Variants in PRR33 observed in about 807,000 individuals in gnomAD.
PRR33 encodes proline-rich protein 33.
A neutral mutation model predicts 0.5 loss-of-function variants in PRR33; 1 was observed. The ratio of observed to expected loss-of-function variants is 2.18; its 90% CI spans 0.77 to 10.34. The LOEUF (loss-of-function observed/expected upper bound fraction) is 10.34, where lower values mean the gene tolerates loss of function less well. Ranked by LOEUF, PRR33 falls within the 30% of genes most tolerant of loss-of-function variation. The probability of loss-of-function intolerance (pLI) is 0.13; values close to 1 mark genes in which losing one functional copy is unlikely to be tolerated. For synonymous variants in PRR33, 226 were observed against 110.0 expected, an observed-to-expected ratio of 2.06 and a Z score of -6.60; for missense variants, 552 against 251.8, an observed-to-expected ratio of 2.19 and a Z score of -8.07.
chr11:1,894,475 A>AC (rs376267953), upstream of PRR33, among the ~76,000 whole-genome samples: 38 of 150,994 alleles, frequency 2.5e-4, no homozygotes, highest in Middle Eastern at 3.4e-3. Flanking sequence ...GGCTCAAGCG[A>AC]CCCCCCCTGC....
the PRR33 span, among the ~76,000 whole-genome samples, chr11:1,914,413 G>T: frequency 1.3e-5 from 2 of 150,596 alleles, no homozygotes. Context: ...ACACACCTGG[G>T]ATGATGTTTC....
At chr11:1,894,633 A>G (rs921665706), upstream of PRR33, among the ~76,000 whole-genome samples, 1 of 151,924 alleles carries the variant, frequency 6.6e-6, no homozygotes, top group African/African-American at 2.4e-5. Flanking sequence ...TCTGAGATCC[A>G]TGCTTGCTGC....
At chr11:1,894,224 A>AGAGTGTGT (rs141842016), upstream of PRR33, among the ~76,000 whole-genome samples, 48 of 127,734 alleles carry the variant, frequency 3.8e-4, no homozygotes, top group African/African-American at 1.4e-3. Context: ...GGAGTGTGGG[A>AGAGTGTGT]GTGTGTGTGT....
the PRR33 span, among the ~76,000 whole-genome samples, chr11:1,914,909 G>A: frequency 8.7e-6 from 1 of 115,224 alleles, no homozygotes; most frequent in Non-Finnish European, 1.8e-5. Flanking sequence ...GGATGATGTT[G>A]CTCTGTGTGT....
At chr11:1,896,269 T>C (rs1466728576), upstream of PRR33, among the ~76,000 whole-genome samples, 1 of 152,238 alleles carries the variant, frequency 6.6e-6, no homozygotes, top group Non-Finnish European at 1.5e-5. Context: ...AGTATTGAAC[T>C]TACTAATCCA....
chr11:1,900,701 G>A, the PRR33 span, among the ~76,000 whole-genome samples: 4 of 152,230 alleles, frequency 2.6e-5, no homozygotes, highest in African/African-American at 4.8e-5. Flanking sequence ...AATTAAGAGT[G>A]ACAGCATATA....
exon 1 of PRR33, chr11:1,889,312 G>T: frequency 1.4e-6 from 1 of 706,364 alleles, no homozygotes. Context: ...GCTGGGGTGT[G>T]CTCCCCACCG....
the PRR33 span, among the ~76,000 whole-genome samples, chr11:1,909,061 C>G: frequency 6.6e-6 from 1 of 152,322 alleles, no homozygotes; most frequent in African/African-American, 2.4e-5. Flanking sequence ...TAGGAAGAGC[C>G]CCCATCTACC....
the PRR33 span, among the ~76,000 whole-genome samples, chr11:1,913,070 T>C: frequency 1.3e-5 from 2 of 152,156 alleles, no homozygotes; most frequent in Non-Finnish European, 2.9e-5. Context: ...ATTAATACTT[T>C]CCCCTCTCTA....
At chr11:1,903,610 C>A in the PRR33 span, among the ~76,000 whole-genome samples, 1 of 152,094 alleles carries the variant, frequency 6.6e-6, no homozygotes, top group Non-Finnish European at 1.5e-5. Flanking sequence ...AACATCCCAC[C>A]GTAATTTTCA....
upstream of PRR33, among the ~76,000 whole-genome samples, chr11:1,895,029 T>G (rs1444653891): frequency 6.6e-6 from 1 of 152,246 alleles, no homozygotes; most frequent in Non-Finnish European, 1.5e-5. Context: ...ACGTGCTACT[T>G]CACCACTGAT....
the PRR33 span, among the ~76,000 whole-genome samples, chr11:1,917,290 G>A: frequency 3.9e-5 from 6 of 152,274 alleles, no homozygotes; most frequent in Middle Eastern, 3.4e-3. Context: ...TGGGTGCTGG[G>A]ACCTAGATTG....
exon 1 of PRR33, chr11:1,890,117 C>A (rs760868187): frequency 2.8e-6 from 2 of 716,994 alleles, no homozygotes; most frequent in East Asian, 5.4e-5. Context: ...GTTCTGGGGC[C>A]GAGGCTACAA....
the PRR33 span, among the ~76,000 whole-genome samples, chr11:1,909,455 A>T: frequency 6.6e-6 from 1 of 152,156 alleles, no homozygotes; most frequent in Non-Finnish European, 1.5e-5. Flanking sequence ...TACTAAAAAT[A>T]CAAAAATTAG....
At chr11:1,900,237 A>G in the PRR33 span, among the ~76,000 whole-genome samples, 1 of 152,172 alleles carries the variant, frequency 6.6e-6, no homozygotes, top group Non-Finnish European at 1.5e-5. Context: ...GTTCAGGTGC[A>G]TAGCACTGTT....
At chr11:1,889,553 G>A (rs1848901080) in exon 1 of PRR33, 1 of 613,186 alleles carries the variant, frequency 1.6e-6, no homozygotes, top group Non-Finnish European at 3.0e-6. Flanking sequence ...GCTGCTTCTT[G>A]AGCCACGTCC....
exon 1 of PRR33, chr11:1,888,793 G>A (rs1848861011): frequency 4.3e-6 from 1 of 234,070 alleles, no homozygotes; most frequent in Non-Finnish European, 8.2e-6. Flanking sequence ...AGAGGCCCAG[G>A]CCCCTGAGGA....
At chr11:1,889,149 T>C (rs1848876677) in exon 1 of PRR33, 2 of 657,864 alleles carry the variant, frequency 3.0e-6, no homozygotes, top group South Asian at 3.4e-5. Context: ...GCCACTTCAC[T>C]GGAGCCTCCA....
chr11:1,916,903 G>A, the PRR33 span, among the ~76,000 whole-genome samples: 1 of 152,220 alleles, frequency 6.6e-6, no homozygotes, highest in African/African-American at 2.4e-5. Flanking sequence ...TGCAGCCTAA[G>A]AGGCCCCTGG....
Sources: gnomAD v4.1 joint callset for allele counts (sites outside exome capture counted in the v4.1 genomes callset) on GRCh38, gnomAD v4.1.1 for gene constraint, MANE v1.5 for transcripts, NCBI Gene and HGNC (gene_info 2026-07-23, HGNC 2026-07-21) for gene names.